Variants in CDH18 observed in about 807,000 individuals in gnomAD.
The protein encoded by CDH18 is cadherin 18.
In CDH18, 31 loss-of-function variants were observed where a neutral mutation model predicts 67.9. The observed-to-expected ratio is 0.46, with a 90% CI of 0.34 to 0.62. The LOEUF is 0.62. Ranked by LOEUF, CDH18 falls within the 20% of genes least tolerant of loss-of-function variation. The pLI, the probability that CDH18 is intolerant of heterozygous loss-of-function variation, is 0.01. For synonymous variants in CDH18, 362 were observed against 347.2 expected (o/e 1.04, Z -0.48); for missense variants, 890 against 975.5 (o/e 0.91, Z 1.17).
chr5:19,771,246 A>T (rs1430769772), intron 3 of CDH18, among the ~76,000 whole-genome samples: 1 of 152,180 alleles, frequency 6.6e-6, no homozygotes, highest in Non-Finnish European at 1.5e-5. Flanking sequence ...GACTCCTTGT[A>T]ATAAGATAAA....
chr5:19,976,524 A>G (rs1798523345), intron 2 of CDH18, among the ~76,000 whole-genome samples: 1 of 152,124 alleles, frequency 6.6e-6, no homozygotes, highest in Non-Finnish European at 1.5e-5. Context: ...ATATGGACTT[A>G]GTCTTACTGA....
At chr5:19,746,295 A>T (rs1200412633) in intron 4 of CDH18, among the ~76,000 whole-genome samples, 1 of 152,170 alleles carries the variant, frequency 6.6e-6, no homozygotes, top group African/African-American at 2.4e-5. Context: ...ATTCAGCTAA[A>T]CCTGGAAAAA....
chr5:20,287,887 A>C (rs2126723352), intron 1 of CDH18, among the ~76,000 whole-genome samples: 1 of 151,904 alleles, frequency 6.6e-6, no homozygotes, highest in Non-Finnish European at 1.5e-5. Flanking sequence ...ATTGAAACTG[A>C]CCTGAACAAC....
intron 1 of CDH18, among the ~76,000 whole-genome samples, chr5:20,424,830 A>T (rs1748165256): frequency 6.8e-6 from 1 of 147,156 alleles, no homozygotes; most frequent in Admixed American, 6.7e-5. Context: ...AACAAGAGAG[A>T]GGCAGAGGGA....
At chr5:20,349,341 C>T (rs1740969574) in intron 1 of CDH18, among the ~76,000 whole-genome samples, 1 of 152,110 alleles carries the variant, frequency 6.6e-6, no homozygotes, top group South Asian at 2.1e-4. Context: ...GATTTAAGCT[C>T]ATTTGCAATT....
chr5:20,401,730 T>C (rs1325165509), intron 1 of CDH18, among the ~76,000 whole-genome samples: 1 of 152,170 alleles, frequency 6.6e-6, no homozygotes, highest in Admixed American at 6.5e-5. Flanking sequence ...TACTTTCTTA[T>C]TTCTTCACTG....
chr5:19,681,634 C>T (rs1326448688), intron 5 of CDH18, among the ~76,000 whole-genome samples: 2 of 151,860 alleles, frequency 1.3e-5, no homozygotes, highest in African/African-American at 4.8e-5. Context: ...AATGTAAGAA[C>T]CAAAATGACC....
Position 20,217,919 on chromosome 5 carries a change from C to T in CDH18, c.-518+37525G>A, listed in dbSNP as rs75442233. Among the ~76,000 whole-genome samples, 373 of 151,842 alleles carry T rather than the reference C, an allele frequency of 2.5e-3. 7 individuals are homozygous for T. Among genetic ancestry groups the T allele is most frequent in the East Asian group, 0.023 (120 of 5,160 alleles). On this transcript the variant is annotated intron_variant, in intron 2 of 14. Transcript: ENST00000507958. ...ATAAAAACTGTAAGAAGAGACAAAA[C>T]TGACATTATATAATGATAAAGGAGT...
At chr5:19,626,391 G>T (rs985732361) in intron 5 of CDH18, among the ~76,000 whole-genome samples, 3 of 152,168 alleles carry the variant, frequency 2.0e-5, no homozygotes, top group Non-Finnish European at 4.4e-5. Flanking sequence ...CATGGAGATG[G>T]AGAAAGACTT....
At position 20,336,724 on chromosome 5, in the gene CDH18, C is replaced by CAAAAAAAAAAAAAAAAA. The variant is rs59083214; in HGVS notation, c.-579-81236_-579-81220dup. Among the ~76,000 whole-genome samples the CAAAAAAAAAAAAAAAAA allele has an allele frequency of 6.3e-4, 40 of 63,478 alleles. 3 individuals carry two copies. Among genetic ancestry groups the CAAAAAAAAAAAAAAAAA allele is most frequent in the Admixed American group, 8.3e-4 (4 of 4,842 alleles). 41.6% of individuals were successfully genotyped at this position (63,478 alleles called of 152,430 possible). Reference sequence around the variant, plus strand: ...GGCAACAGAGAGGGAGCCTCTGTCTCAAAAAAAAAAAAAAAAAAAAAAAAA... The same window carrying CAAAAAAAAAAAAAAAAA: ...GGCAACAGAGAGGGAGCCTCTGTCTCAAAAAAAAAAAAAAAAAAAAAAAAAAAAAAAAAAAAAAAAAA... On this transcript the variant is annotated intron_variant, in intron 1 of 14. Transcript: ENST00000507958.
intron 4 of CDH18, among the ~76,000 whole-genome samples, chr5:19,740,934 T>A (rs1769029440): frequency 6.6e-6 from 1 of 151,954 alleles, no homozygotes; most frequent in African/African-American, 2.4e-5. Context: ...GTACTGCATA[T>A]CACAAAAAAA....
chr5:20,090,461 GGAGGCAGAGGCTGCAATGA>G (rs1481084220), intron 2 of CDH18, among the ~76,000 whole-genome samples: 1 of 152,062 alleles, frequency 6.6e-6, no homozygotes, highest in Non-Finnish European at 1.5e-5. Context: ...CTTGAACCTG[GGAGGCAGAGGCTGCAATGA>G]GCCAAGATCA....
At chr5:20,389,298 AT>A (rs1158571689) in intron 1 of CDH18, among the ~76,000 whole-genome samples, 1 of 152,066 alleles carries the variant, frequency 6.6e-6, no homozygotes, top group Admixed American at 6.6e-5. Context: ...TCCCTTTACC[AT>A]TATGTAATGG....
chr5:20,182,010 A>T (rs2126685726), intron 2 of CDH18, among the ~76,000 whole-genome samples: 1 of 152,244 alleles, frequency 6.6e-6, no homozygotes, highest in African/African-American at 2.4e-5. Context: ...GGCCTGTGAA[A>T]TTGCCAGAAC....
rs937396367 is a variant in CDH18, at chr5:19,821,073, C to T, written c.228+17686G>A. Among the ~76,000 whole-genome samples, 3 of 152,258 alleles carry T rather than the reference C, an allele frequency of 2.0e-5. No individual in the cohort carries two copies. In the South Asian group the frequency reaches 6.2e-4, roughly 32 times the overall value. ...AGTACTCTCTTACCTACGAAGACTACACTAGCTCCCCGGCAATGGATTCTA... is the reference window on the plus strand; with the variant it reads ...AGTACTCTCTTACCTACGAAGACTATACTAGCTCCCCGGCAATGGATTCTA... On this transcript the variant is annotated intron_variant, in intron 3 of 12. Coordinates refer to ENST00000382275, the MANE Select transcript of CDH18 (RefSeq NM_004934.5).
chr5:19,489,438 A>T (rs112746525), intron 11 of CDH18, among the ~76,000 whole-genome samples: 6 of 151,650 alleles, frequency 4.0e-5, no homozygotes, highest in Admixed American at 1.3e-4. Flanking sequence ...TAGTAGAGAC[A>T]GGGTTTCACC....
chr5:19,626,594 T>A (rs543693703), intron 5 of CDH18, among the ~76,000 whole-genome samples: 2 of 152,248 alleles, frequency 1.3e-5, no homozygotes, highest in East Asian at 3.9e-4. Context: ...ATTAATTCCT[T>A]CAGTTGGTAG....
chr5:20,460,616 C>T (rs1202770228), intron 1 of CDH18, among the ~76,000 whole-genome samples: 2 of 149,496 alleles, frequency 1.3e-5, no homozygotes, highest in Non-Finnish European at 2.9e-5. Flanking sequence ...CATCTTTGAA[C>T]AGTGAAACCT....
rs777518720 is a variant in CDH18 at position 20,307,681 on chromosome 5, C to A, written c.-579-52176G>T. On this transcript the variant is annotated intron_variant, in intron 1 of 14. Transcript: ENST00000507958. ...AATGGAATTAAACAATATTTCATTT[C>A]CCTTGATATTTATTTTCAGATTAAG... 6.8e-4 allele frequency among the ~76,000 whole-genome samples: 104 copies of A among 152,184 alleles called. No homozygotes were observed. In the Middle Eastern group the frequency reaches 0.014, roughly 20 times the overall value.
Sources: allele counts gnomAD v4.1 joint callset (sites outside exome capture counted in the v4.1 genomes callset), GRCh38; gene constraint gnomAD v4.1.1; transcripts MANE v1.5; gene names NCBI Gene and HGNC (gene_info 2026-07-23, HGNC 2026-07-21).